Variants in FSD1L observed in about 807,000 individuals in gnomAD.
FSD1L encodes fibronectin type III and SPRY domain containing 1 like.
FSD1L carries 45 observed loss-of-function variants against 71.6 expected under a neutral mutation model. That is an observed-to-expected ratio of 0.63 (90% CI 0.49 to 0.81). The LOEUF (loss-of-function observed/expected upper bound fraction) is 0.81, where lower values mean the gene tolerates loss of function less well. Ranked by LOEUF, FSD1L falls within the 30% of genes least tolerant of loss-of-function variation. The probability of loss-of-function intolerance (pLI) is 0.00; values close to 1 mark genes in which losing one functional copy is unlikely to be tolerated. For synonymous variants in FSD1L, 197 were observed against 207.2 expected (o/e 0.95, Z 0.42); for missense variants, 561 against 618.1 (o/e 0.91, Z 0.98).
intron 4 of FSD1L, among the ~76,000 whole-genome samples, chr9:105,468,947 C>A (rs1032805647): frequency 1.3e-5 from 2 of 152,190 alleles, no homozygotes; most frequent in African/African-American, 4.8e-5. Flanking sequence ...TTCTTACTAG[C>A]CCCTGGCAAT....
rs1469782906 is a variant in FSD1L, at chr9:105,520,112, C to G, written c.1025+7176C>G. 1.9e-6 allele frequency: 3 copies of G among 1,594,010 alleles called. No homozygotes were observed. In the African/African-American group the frequency reaches 4.0e-5, roughly 21 times the overall value. On this transcript the variant is annotated intron_variant, in intron 10 of 13. Transcript: ENST00000481272. Reference sequence around the variant, plus strand: ...GCTGTGGCAGTGGCAGTGGCAGTGGCAGTGGCAGCGGCAGGATGTTCTCCA... The same window carrying G: ...GCTGTGGCAGTGGCAGTGGCAGTGGGAGTGGCAGCGGCAGGATGTTCTCCA...
intron 3 of FSD1L, 109 bp from the exon 4 acceptor site, chr9:105,468,084 G>A: frequency 1.4e-6 from 1 of 732,958 alleles, no homozygotes. Context: ...TTTATATTAG[G>A]CCAACATAGT....
intron 10 of FSD1L, among the ~76,000 whole-genome samples, chr9:105,528,633 A>C (rs1175480379): frequency 1.3e-5 from 2 of 152,220 alleles, no homozygotes; most frequent in Admixed American, 6.5e-5. Flanking sequence ...AATCAACTCA[A>C]GATGGATTAA....
intron 7 of FSD1L, among the ~76,000 whole-genome samples, chr9:105,494,915 G>T (rs1314027338): frequency 6.6e-6 from 1 of 152,172 alleles, no homozygotes; most frequent in African/African-American, 2.4e-5. Flanking sequence ...CCCCTATGGA[G>T]GGGGTGCCTC....
rs1222779844 is a variant in FSD1L at position 105,448,180 on chromosome 9, C to T, written c.-41C>T. On this transcript the variant is annotated 5_prime_UTR_variant, in exon 1 of 14. Coordinates refer to ENST00000481272, the MANE Select transcript of FSD1L (RefSeq NM_001145313.3). ...TCTCGCTGAGCCTCCTCACACGGTT[C>T]GTCGTCTCGGGTTCGAGCCCAGTGG... 1 of 1,539,602 alleles carries T rather than the reference C, an allele frequency of 6.5e-7. No homozygotes were observed. The highest frequency in any genetic ancestry group is 2.0e-5 in the Admixed American group (1 of 50,570).
At chr9:105,475,878 A>G (rs990178617) in intron 5 of FSD1L, among the ~76,000 whole-genome samples, 8 of 152,224 alleles carry the variant, frequency 5.3e-5, no homozygotes, top group Non-Finnish European at 7.3e-5. Flanking sequence ...ACCAAATACA[A>G]AACTTCTAAT....
At chr9:105,512,961 A>G (rs1484547938) in intron 10 of FSD1L, 25 bp downstream of exon 10, 1 of 1,490,628 alleles carries the variant, frequency 6.7e-7, no homozygotes, top group African/African-American at 1.4e-5. Flanking sequence ...TAAATCTGCC[A>G]TATGGACAAA....
rs35520921 is a variant in FSD1L, at chr9:105,527,705, C to CAA, written c.1026-6777_1026-6776dup. Among the ~76,000 whole-genome samples, 367 of 136,644 alleles carry CAA rather than the reference C, an allele frequency of 2.7e-3. 3 individuals carry two copies. The highest frequency in any genetic ancestry group is 8.9e-3 in the African/African-American group (335 of 37,632). The allele number at this position is 136,644 out of a possible 152,430, so 89.6% of individuals were successfully genotyped here. On this transcript the variant is annotated intron_variant, in intron 10 of 13. Coordinates refer to ENST00000481272, the MANE Select transcript of FSD1L (RefSeq NM_001145313.3). ...AATAATACAATAAAAATATTCTTATCAAAAAAAAAAAAGAAAAGAAAACCA... is the reference window on the plus strand; with the variant it reads ...AATAATACAATAAAAATATTCTTATCAAAAAAAAAAAAAAGAAAAGAAAACCA...
chr9:105,526,351 G>T (rs993483727), intron 10 of FSD1L: 17 of 1,612,080 alleles, frequency 1.1e-5, no homozygotes, highest in Admixed American at 6.7e-5. Context: ...ATCTGATGCC[G>T]ATCATTAAAT....
At chr9:105,539,607 C>T (rs1204111278) in intron 13 of FSD1L, among the ~76,000 whole-genome samples, 1 of 152,098 alleles carries the variant, frequency 6.6e-6, no homozygotes, top group African/African-American at 2.4e-5. Context: ...GGACTGCACT[C>T]ATGTGTAACT....
Position 105,471,998 on chromosome 9 carries a change from T to C in FSD1L, c.434T>C (p.Phe145Ser). 7.0e-7 allele frequency: 1 copy of C among 1,434,398 alleles called. No individual in the cohort carries two copies. The highest frequency in any genetic ancestry group is 9.1e-7 in the Non-Finnish European group (1 of 1,093,982). The allele number at this position is 1,434,398 out of a possible 1,614,324, so 88.9% of individuals were successfully genotyped here. A position where few individuals can be genotyped will look rare whatever the true frequency, so the allele number is the denominator to read the frequency against. ...TTAGATATAAAGGAACCTGAAGAAT[T>C]TTCAAAGGTACACAAAAACTGCATT... Reference protein sequence around the residue: ...RSLDIKEPEEFSKAARQIKDR... With the variant: ...RSLDIKEPEESSKAARQIKDR... Residue 145 changes from phenylalanine to serine, a missense_variant, in exon 5 of 14, where the codon TTT (phenylalanine) becomes TCT (serine). This residue lies in a region of FSD1L where 410 missense variants were observed against 413.5 expected (regional missense o/e 0.99). Transcript: ENST00000481272.
Position 105,550,251 on chromosome 9 carries a change from A to T in FSD1L, c.*3768A>T, listed in dbSNP as rs1381556501. 2.0e-5 allele frequency: 3 copies of T among 152,036 alleles called. No individual in the cohort carries two copies. Among genetic ancestry groups the T allele is most frequent in the African/African-American group, 7.2e-5 (3 of 41,448 alleles). 9.4% of individuals were successfully genotyped at this position (152,036 alleles called of 1,614,324 possible). On this transcript the variant is annotated 3_prime_UTR_variant, in exon 14 of 14. Coordinates refer to ENST00000481272, the MANE Select transcript of FSD1L (RefSeq NM_001145313.3). Reference sequence around the variant, plus strand: ...AATGTGTTATAGTTTGCTAAAAAAAAATCAAATTAACTGCATATAAAATGG... The same window carrying T: ...AATGTGTTATAGTTTGCTAAAAAAATATCAAATTAACTGCATATAAAATGG...
At chr9:105,462,831 TTA>T (rs34423312) in intron 2 of FSD1L, among the ~76,000 whole-genome samples, 142,959 of 150,854 alleles carry the variant, frequency 0.95, 67,811 homozygotes, top group East Asian at 1. Context: ...CTACAATACT[TTA>T]TATGAACATT....
intron 7 of FSD1L, among the ~76,000 whole-genome samples, chr9:105,493,085 ATGTTGACAG>A (rs1202442046): frequency 6.6e-6 from 1 of 152,164 alleles, no homozygotes; most frequent in African/African-American, 2.4e-5. Flanking sequence ...GATCTGTCTA[ATGTTGACAG>A]TGGGGTTTTA....
chr9:105,537,686 T>A (rs967748494), intron 12 of FSD1L, among the ~76,000 whole-genome samples: 18 of 152,040 alleles, frequency 1.2e-4, no homozygotes, highest in African/African-American at 4.4e-4. Flanking sequence ...TAATTGAGTT[T>A]TAGAAATATT....
intron 7 of FSD1L, among the ~76,000 whole-genome samples, chr9:105,505,219 TGTTA>T (rs772828804): frequency 6.6e-6 from 1 of 152,194 alleles, no homozygotes; most frequent in Non-Finnish European, 1.5e-5. Context: ...TGTGATCACT[TGTTA>T]GTTCCAGGAA....
chr9:105,457,705 C>T (rs1230045567), intron 1 of FSD1L, among the ~76,000 whole-genome samples: 1 of 152,252 alleles, frequency 6.6e-6, no homozygotes, highest in Non-Finnish European at 1.5e-5. Flanking sequence ...CTGTGCTTAG[C>T]TCATGCTGCT....
intron 10 of FSD1L, chr9:105,525,703 C>A (rs1423222635): frequency 1.2e-6 from 2 of 1,606,632 alleles, no homozygotes; most frequent in African/African-American, 1.3e-5. Flanking sequence ...TGCTGAAGGA[C>A]AAGAAGACAA....
chr9:105,501,925 T>C (rs1424792019), intron 7 of FSD1L, among the ~76,000 whole-genome samples: 1 of 152,196 alleles, frequency 6.6e-6, no homozygotes, highest in African/African-American at 2.4e-5. Flanking sequence ...ATTCATCCCT[T>C]TGTGTTAGTT....
Sources: allele counts gnomAD v4.1 joint callset (sites outside exome capture counted in the v4.1 genomes callset), GRCh38; gene constraint gnomAD v4.1.1; regional missense constraint gnomAD v4.1.1; transcripts MANE v1.5; gene names NCBI Gene and HGNC (gene_info 2026-07-23, HGNC 2026-07-21).